Variants in PRKD3 observed in about 807,000 individuals in gnomAD.
The protein encoded by PRKD3 is protein kinase D3, also known as serine/threonine-protein kinase D3.
Under a neutral mutation model 99.2 loss-of-function variants are expected in PRKD3, and 47 were observed. That is an observed-to-expected ratio of 0.47 (90% CI 0.38 to 0.60). The LOEUF (loss-of-function observed/expected upper bound fraction) is 0.60, where lower values mean the gene tolerates loss of function less well. Ranked by LOEUF, PRKD3 falls within the 20% of genes least tolerant of loss-of-function variation. PRKD3 has a pLI of 0.00. For missense variants in PRKD3, 1,019 were observed against 1,088.4 expected (o/e 0.94, Z 0.90); for synonymous variants, 392 against 355.4 (o/e 1.10, Z -1.16).
At chr2:37,296,299 C>A (rs1670671003) in intron 2 of PRKD3, among the ~76,000 whole-genome samples, 1 of 152,014 alleles carries the variant, frequency 6.6e-6, no homozygotes, top group South Asian at 2.1e-4. Flanking sequence ...TTAATAAACA[C>A]ATGGCCTAAT....
At chr2:37,322,204 G>T (rs1039144303) in intron 1 of PRKD3, among the ~76,000 whole-genome samples, 1 of 152,148 alleles carries the variant, frequency 6.6e-6, no homozygotes, top group African/African-American at 2.4e-5. Context: ...TTTTGACATA[G>T]GTTTGACTTT....
At position 37,316,530 on chromosome 2, in the gene PRKD3, T is replaced by C; in HGVS notation, c.-6A>G. 5.0e-6 allele frequency: 8 copies of C among 1,609,226 alleles called. No homozygotes were observed. The highest frequency in any genetic ancestry group is 1.1e-5 in the South Asian group (1 of 90,414). On this transcript the variant is annotated 5_prime_UTR_variant, in exon 2 of 19. Coordinates refer to ENST00000234179, the MANE Select transcript of PRKD3 (RefSeq NM_005813.6). ...GGGGAATTATTTGCAGACATCTGCC[T>C]TTCTTTAATCTTTTAAAATAGTTGT...
At chr2:37,266,001 G>T (rs181338886) in intron 14 of PRKD3, among the ~76,000 whole-genome samples, 1 of 152,090 alleles carries the variant, frequency 6.6e-6, no homozygotes, top group African/African-American at 2.4e-5. Flanking sequence ...GACAATGAGG[G>T]TTCCAAAATT....
intron 2 of PRKD3, among the ~76,000 whole-genome samples, chr2:37,312,931 A>G (rs1294605838): frequency 6.6e-6 from 1 of 152,212 alleles, no homozygotes; most frequent in African/African-American, 2.4e-5. Flanking sequence ...CAGTGACTTT[A>G]CAGAATATAA....
At chr2:37,262,144 C>T (rs564507536) in intron 14 of PRKD3, among the ~76,000 whole-genome samples, 1 of 152,282 alleles carries the variant, frequency 6.6e-6, no homozygotes, top group African/African-American at 2.4e-5. Flanking sequence ...GCATCCTGTA[C>T]ATTTTTCTTT....
intron 10 of PRKD3, 70 bp from the exon 11 acceptor site, chr2:37,274,767 A>C: frequency 7.1e-7 from 1 of 1,404,632 alleles, no homozygotes; most frequent in African/African-American, 1.4e-5. Context: ...ACACTAAAGA[A>C]CCAGAGATAT....
Position 37,252,841 on chromosome 2 carries a change from T to TATATATATATATA in PRKD3, c.*335_*336insTATATATATATAT, listed in dbSNP as rs1553362954. 1 of 80,508 alleles carries TATATATATATATA rather than the reference T, an allele frequency of 1.2e-5. No individual in the cohort carries two copies. 5.0% of individuals were successfully genotyped at this position (80,508 alleles called of 1,614,324 possible). Reference sequence around the variant, plus strand: ...ATTAAAAAAACAAACAAACATATATTTATATTTATATATATATATATAAAG... The same window carrying TATATATATATATA: ...ATTAAAAAAACAAACAAACATATATTATATATATATATATATATTTATATATATATATATAAAG... On this transcript the variant is annotated 3_prime_UTR_variant, in exon 19 of 19. Transcript: ENST00000234179.
chr2:37,299,410 T>C (rs183291037), intron 2 of PRKD3, among the ~76,000 whole-genome samples: 1 of 151,902 alleles, frequency 6.6e-6, no homozygotes, highest in Admixed American at 6.6e-5. Flanking sequence ...TGACTCACAC[T>C]GATAATCCTA....
chr2:37,294,422 T>TA (rs549077092), intron 2 of PRKD3, among the ~76,000 whole-genome samples: 3,388 of 151,604 alleles, frequency 0.022, 56 homozygotes, highest in Middle Eastern at 0.052. Flanking sequence ...AAAGTTAAAT[T>TA]AAAAAAAAAT....
At position 37,317,369 on chromosome 2, in the gene PRKD3, A is replaced by G. The variant is rs531510567; in HGVS notation, c.-655-190T>C. The stretch of plus-strand genomic sequence containing the variant: ...TTACTATAAGTATAATTTCAGGGAG[A>G]GGCTCGAAAAATATCCTTGGCACTC... On this transcript the variant is annotated intron_variant, in intron 1 of 18. Coordinates refer to ENST00000234179, the MANE Select transcript of PRKD3 (RefSeq NM_005813.6). 2.0e-3 allele frequency among the ~76,000 whole-genome samples: 303 copies of G among 151,854 alleles called. 2 individuals are homozygous for G. Among genetic ancestry groups the G allele is most frequent in the Non-Finnish European group, 3.0e-3 (207 of 67,998 alleles).
At chr2:37,270,405 G>T (rs1276775451) in intron 12 of PRKD3, among the ~76,000 whole-genome samples, 1 of 146,504 alleles carries the variant, frequency 6.8e-6, no homozygotes, top group Non-Finnish European at 1.5e-5. Context: ...GCCTAACTTT[G>T]AGAGACTGAA....
At chr2:37,263,306 G>C (rs1367005783) in intron 14 of PRKD3, among the ~76,000 whole-genome samples, 2 of 152,114 alleles carry the variant, frequency 1.3e-5, no homozygotes, top group Non-Finnish European at 2.9e-5. Flanking sequence ...GTAGGAGCTT[G>C]TTTTCTGATT....
intron 6 of PRKD3, among the ~76,000 whole-genome samples, chr2:37,285,954 G>A (rs145693430): frequency 1.2e-4 from 18 of 152,236 alleles, no homozygotes; most frequent in Non-Finnish European, 2.1e-4. Context: ...GCATGTAAAG[G>A]TTTACTGTTC....
intron 2 of PRKD3, among the ~76,000 whole-genome samples, chr2:37,299,993 C>T (rs767663854): frequency 1.3e-5 from 2 of 152,238 alleles, no homozygotes; most frequent in South Asian, 4.2e-4. Context: ...AAAAATAAAA[C>T]CACCACAGGA....
At chr2:37,267,159 G>A (rs759799067) in intron 14 of PRKD3, among the ~76,000 whole-genome samples, 7 of 152,126 alleles carry the variant, frequency 4.6e-5, no homozygotes, top group Non-Finnish European at 8.8e-5. Context: ...GGGTAAAACA[G>A]CAACCTTCTG....
Position 37,267,447 on chromosome 2 carries a change from C to T in PRKD3, c.1867G>A (p.Glu623Lys). Reference protein sequence around the residue: ...PTKQESQLRNEVAILQNLHHP... With the variant: ...PTKQESQLRNKVAILQNLHHP... The stretch of plus-strand genomic sequence containing the variant: ...ATTTTTACCTGTAAAATAGCCACTT[C>T]ATTACGGAGTTGACTTTCTTGTTTT... Residue 623 changes from glutamate (E) to lysine (K), a missense_variant, in exon 14 of 19, where the codon GAA becomes AAA. By Grantham distance (56) the Glu-to-Lys change is moderately conservative (BLOSUM62 1). Coordinates refer to ENST00000234179, the MANE Select transcript of PRKD3 (RefSeq NM_005813.6). 6.2e-7 allele frequency: 1 copy of T among 1,601,156 alleles called. No homozygotes were observed. The highest frequency in any genetic ancestry group is 8.5e-7 in the Non-Finnish European group (1 of 1,171,446).
rs919742276 is a variant in PRKD3 at position 37,251,616 on chromosome 2, CT to C, written c.*1560del. 206 of 143,876 alleles carry C rather than the reference CT, an allele frequency of 1.4e-3. No individual in the cohort carries two copies. The highest frequency in any genetic ancestry group is 1.5e-3 in the Admixed American group (21 of 14,340). 8.9% of individuals were successfully genotyped at this position (143,876 alleles called of 1,614,324 possible). On this transcript the variant is annotated 3_prime_UTR_variant, in exon 19 of 19. Transcript: ENST00000234179. ...CAGTCTGTTCATGTACCAGAACATT[CT>C]TTTTTTTTTTTGCTACCTCAAATTC...
intron 7 of PRKD3, among the ~76,000 whole-genome samples, chr2:37,281,761 A>T (rs958641596): frequency 6.6e-6 from 1 of 151,970 alleles, no homozygotes; most frequent in African/African-American, 2.4e-5. Context: ...TGTTAATTAA[A>T]CTCTCCCCAA....
intron 1 of PRKD3, among the ~76,000 whole-genome samples, chr2:37,323,673 G>A (rs1170664118): frequency 6.6e-6 from 1 of 151,624 alleles, no homozygotes; most frequent in Non-Finnish European, 1.5e-5. Flanking sequence ...TAAGTAGAAG[G>A]GTAAAAAAAA....
Sources: allele counts gnomAD v4.1 joint callset (sites outside exome capture counted in the v4.1 genomes callset), GRCh38; gene constraint gnomAD v4.1.1; transcripts MANE v1.5; gene names NCBI Gene and HGNC (gene_info 2026-07-23, HGNC 2026-07-21).